Variants in DNAH6 observed in about 807,000 individuals in gnomAD.
The protein encoded by DNAH6 is axonemal beta dynein heavy chain 6.
In DNAH6, 340 loss-of-function variants were observed where a neutral mutation model predicts 491.4. The observed-to-expected ratio is 0.69, with a 90% confidence interval of 0.63 to 0.76. The LOEUF is 0.76. DNAH6 is among the 30% of genes least tolerant of loss of function. The probability of loss-of-function intolerance (pLI) is 0.00; values close to 1 mark genes in which losing one functional copy is unlikely to be tolerated. For synonymous variants in DNAH6, 1,603 were observed against 1,686.1 expected (o/e 0.95, Z 1.21); for missense variants, 4,443 against 4,972.2 (o/e 0.89, Z 3.20).
intron 11 of DNAH6, 66 bp downstream of exon 11, chr2:84,558,001 A>G: frequency 9.2e-7 from 1 of 1,084,752 alleles, no homozygotes; most frequent in Non-Finnish European, 1.3e-6. Context: ...AGTAATATAT[A>G]TTTTTTCTTT....
chr2:84,814,468 C>G (rs912827527), intron 75 of DNAH6, among the ~76,000 whole-genome samples: 3 of 152,092 alleles, frequency 2.0e-5, no homozygotes, highest in African/African-American at 7.2e-5. Context: ...TACCTTTCAC[C>G]AGCTGCATGT....
At position 84,813,041 on chromosome 2, in the gene DNAH6, A is replaced by G. The variant is rs1680149149; in HGVS notation, c.11926-17A>G. The G allele has an allele frequency of 6.5e-7, 1 of 1,542,792 alleles. No individual in the cohort carries two copies. Among genetic ancestry groups the G allele is most frequent in the East Asian group, 2.4e-5 (1 of 40,890 alleles). On this transcript the variant is annotated splice_polypyrimidine_tract_variant and intron_variant, in intron 73 of 76. Transcript: ENST00000389394. ...ATCCCAGAAATAACGTTTATTATGA[A>G]TATGTTTCTCCTTCAGCTGTGGCTC...
At chr2:84,582,150 C>A (rs1394194012) in intron 14 of DNAH6, among the ~76,000 whole-genome samples, 1 of 152,166 alleles carries the variant, frequency 6.6e-6, no homozygotes, top group Non-Finnish European at 1.5e-5. Context: ...GTCACAAAAA[C>A]TCACATAAAT....
chr2:84,508,035 G>T, the DNAH6 span, among the ~76,000 whole-genome samples: 3 of 152,076 alleles, frequency 2.0e-5, no homozygotes, highest in East Asian at 1.9e-4. Flanking sequence ...TCTCTTTTTT[G>T]GTTGTGTCTC....
intron 64 of DNAH6, chr2:84,777,115 G>C (rs757465093): frequency 6.3e-6 from 1 of 159,624 alleles, no homozygotes; most frequent in Admixed American, 6.1e-5. Flanking sequence ...GGATTGGGGA[G>C]GGAAAGCATT....
At position 84,722,734 on chromosome 2, in the gene DNAH6, T is replaced by G; in HGVS notation, c.9902T>G (p.Met3301Arg). 6.5e-7 allele frequency: 1 copy of G among 1,543,708 alleles called. No individual in the cohort carries two copies. Among genetic ancestry groups the G allele is most frequent in the Non-Finnish European group, 8.7e-7 (1 of 1,144,676 alleles). The change falls in exon 60 of 77, where the codon ATG (methionine) becomes AGG (arginine). Residue 3301 changes from methionine to arginine, a missense_variant. Coordinates refer to ENST00000389394, the MANE Select transcript of DNAH6 (RefSeq NM_001370.2). Reference sequence around the variant, plus strand: ...CCAGTGGCCACTCAAGGCTCTGTAATGTACTTTGTCATTGCAAGCCTCTCA... The same window carrying G: ...CCAGTGGCCACTCAAGGCTCTGTAAGGTACTTTGTCATTGCAAGCCTCTCA... ...YRPVATQGSV[M>R]YFVIASLSEI...
chr2:84,598,116 TTCTA>T (rs1226874002), intron 18 of DNAH6, among the ~76,000 whole-genome samples: 1 of 151,784 alleles, frequency 6.6e-6, no homozygotes, highest in East Asian at 1.9e-4. Context: ...TCGTGGTTCT[TTCTA>T]TCTTTCTTTT....
intron 18 of DNAH6, among the ~76,000 whole-genome samples, chr2:84,599,045 A>G (rs1234875445): frequency 1.3e-5 from 2 of 152,002 alleles, no homozygotes; most frequent in Non-Finnish European, 2.9e-5. Context: ...AAAAAAAAAA[A>G]AAAAAGTCAT....
At position 84,668,810 on chromosome 2, in the gene DNAH6, C is replaced by CTGTGTGTGTG. The variant is rs766203821; in HGVS notation, c.6085-441_6085-432dup. On this transcript the variant is annotated intron_variant, in intron 37 of 76. Coordinates refer to ENST00000389394, the MANE Select transcript of DNAH6 (RefSeq NM_001370.2). Reference sequence around the variant, plus strand: ...CTGCAAGTAGAAATGAGCCATCCCTCTGTGTGTGTGTGTGTGTGTGTGTGT... The same window carrying CTGTGTGTGTG: ...CTGCAAGTAGAAATGAGCCATCCCTCTGTGTGTGTGTGTGTGTGTGTGTGTGTGTGTGTGT... Among the ~76,000 whole-genome samples the CTGTGTGTGTG allele has an allele frequency of 8.3e-3, 1,005 of 121,022 alleles. 17 individuals carry two copies. Among genetic ancestry groups the CTGTGTGTGTG allele is most frequent in the African/African-American group, 0.022 (700 of 31,568 alleles). 79.4% of individuals were successfully genotyped at this position (121,022 alleles called of 152,430 possible).
At chr2:84,637,964 T>C (rs1689031124) in intron 31 of DNAH6, among the ~76,000 whole-genome samples, 1 of 152,072 alleles carries the variant, frequency 6.6e-6, no homozygotes, top group Non-Finnish European at 1.5e-5. Context: ...GCACAGTGGC[T>C]CAGGCCTGTA....
chr2:84,524,995 T>C (rs1374950381), intron 2 of DNAH6, among the ~76,000 whole-genome samples: 7 of 152,120 alleles, frequency 4.6e-5, no homozygotes, highest in Non-Finnish European at 7.4e-5. Flanking sequence ...TTTTTTCTTA[T>C]CCCAGTATAT....
At chr2:84,556,322 C>T (rs1211198835) in intron 10 of DNAH6, among the ~76,000 whole-genome samples, 6 of 151,788 alleles carry the variant, frequency 4.0e-5, no homozygotes, top group South Asian at 2.1e-4. Flanking sequence ...TGGCATCATG[C>T]ACAAGGCCTT....
At position 84,697,738 on chromosome 2, in the gene DNAH6, C is replaced by A. The variant is rs1395659826; in HGVS notation, c.7677+11C>A. The A allele has an allele frequency of 6.4e-6, 10 of 1,551,298 alleles. No individual in the cohort carries two copies. The South Asian group carries it at 1.1e-4, about 17-fold the overall frequency. On this transcript the variant is annotated intron_variant, in intron 47 of 76. Coordinates refer to ENST00000389394, the MANE Select transcript of DNAH6 (RefSeq NM_001370.2). ...GGGAACAGAGACGAGGTAGGATGTG[C>A]CAGAGTAGTTATGTGGCTTTATCAC...
the DNAH6 span, among the ~76,000 whole-genome samples, chr2:84,497,549 C>G: frequency 0.94 from 143,489 of 152,256 alleles, 67,660 homozygotes; most frequent in East Asian, 1. Flanking sequence ...GGAAGAGTAA[C>G]TTTACCTCTC....
intron 20 of DNAH6, 67 bp from the exon 21 acceptor site, chr2:84,606,909 T>C: frequency 2.0e-6 from 3 of 1,481,034 alleles, no homozygotes; most frequent in Non-Finnish European, 2.8e-6. Context: ...TGGGATTATG[T>C]ATCTGAAATA....
chr2:84,505,977 GT>G, the DNAH6 span, among the ~76,000 whole-genome samples: 4 of 152,128 alleles, frequency 2.6e-5, no homozygotes, highest in East Asian at 7.7e-4. Context: ...ATTTGGGTTG[GT>G]TCCAAGTCTT....
intron 68 of DNAH6, among the ~76,000 whole-genome samples, chr2:84,794,569 A>G (rs1344225052): frequency 1.3e-4 from 20 of 151,482 alleles, no homozygotes; most frequent in African/African-American, 4.6e-4. Context: ...CAAAAAACAC[A>G]TGAACAAATG....
chr2:84,652,023 A>G, intron 33 of DNAH6, among the ~76,000 whole-genome samples: 1 of 151,862 alleles, frequency 6.6e-6, no homozygotes, highest in East Asian at 1.9e-4. Flanking sequence ...AACCTATAGA[A>G]CTACTTTAAC....
At chr2:84,804,855 G>A (rs1679266019) in intron 70 of DNAH6, among the ~76,000 whole-genome samples, 1 of 151,906 alleles carries the variant, frequency 6.6e-6, no homozygotes, top group Non-Finnish European at 1.5e-5. Context: ...TCCCTCTGTT[G>A]CCCTGGCTAG....
Sources: allele counts gnomAD v4.1 joint callset (sites outside exome capture counted in the v4.1 genomes callset), GRCh38; gene constraint gnomAD v4.1.1; transcripts MANE v1.5; gene names NCBI Gene and HGNC (gene_info 2026-07-23, HGNC 2026-07-21).